CPNE4: variants seen among roughly 807,000 people sequenced by gnomAD.
CPNE4 encodes the protein copine 4.
CPNE4 carries 25 observed loss-of-function variants against 67.9 expected under a neutral mutation model. The observed-to-expected ratio is 0.37, with a 90% confidence interval of 0.27 to 0.51. The LOEUF is 0.51. Among genes scored for constraint, CPNE4 ranks in the 20% least tolerant of loss-of-function variants. CPNE4 has a pLI of 0.93. For missense variants in CPNE4, 464 were observed against 690.8 expected (o/e 0.67, Z 3.68); for synonymous variants, 242 against 244.9 (o/e 0.99, Z 0.11).
intron 1 of CPNE4, among the ~76,000 whole-genome samples, chr3:131,969,816 T>C (rs1157604100): frequency 1.3e-5 from 2 of 152,200 alleles, no homozygotes; most frequent in African/African-American, 4.8e-5. Context: ...AACAAAAGCA[T>C]GCACTTTGAA....
intron 7 of CPNE4, among the ~76,000 whole-genome samples, chr3:131,642,054 T>C (rs1426534801): frequency 6.6e-6 from 1 of 152,092 alleles, no homozygotes; most frequent in Non-Finnish European, 1.5e-5. Context: ...TTGGATACAG[T>C]GTATGCTGCT....
chr3:131,987,080 T>C (rs1408491586), intron 1 of CPNE4, among the ~76,000 whole-genome samples: 2 of 152,220 alleles, frequency 1.3e-5, no homozygotes, highest in African/African-American at 2.4e-5. Context: ...AAAACACTTC[T>C]CAAATTTGAA....
chr3:131,886,320 G>T (rs1301850975), intron 2 of CPNE4, among the ~76,000 whole-genome samples: 1 of 152,242 alleles, frequency 6.6e-6, no homozygotes, highest in African/African-American at 2.4e-5. Flanking sequence ...CAGGTACACA[G>T]AAGTCAAGAA....
chr3:131,975,505 G>T (rs962469484), intron 1 of CPNE4, among the ~76,000 whole-genome samples: 1 of 152,164 alleles, frequency 6.6e-6, no homozygotes, highest in South Asian at 2.1e-4. Context: ...ACTATGACAA[G>T]CCCTGAGTGC....
At chr3:131,668,700 C>T (rs923235854) in intron 7 of CPNE4, among the ~76,000 whole-genome samples, 11 of 152,062 alleles carry the variant, frequency 7.2e-5, no homozygotes, top group African/African-American at 1.9e-4. Context: ...GAATCACCTC[C>T]GGGCCATTGA....
At chr3:131,548,845 G>T (rs1296512974) in intron 14 of CPNE4, among the ~76,000 whole-genome samples, 1 of 152,166 alleles carries the variant, frequency 6.6e-6, no homozygotes, top group African/African-American at 2.4e-5. Context: ...AAGGAATGCT[G>T]CAATACTAAT....
At chr3:131,582,547 A>G (rs1319400705) in intron 8 of CPNE4, among the ~76,000 whole-genome samples, 3 of 152,214 alleles carry the variant, frequency 2.0e-5, no homozygotes, top group African/African-American at 7.2e-5. Context: ...GTGCAAATGG[A>G]TAGGCTGATA....
chr3:131,728,508 A>C (rs1199211746), intron 2 of CPNE4, among the ~76,000 whole-genome samples: 5 of 152,190 alleles, frequency 3.3e-5, no homozygotes, highest in Non-Finnish European at 7.3e-5. Context: ...AAAATGTGGA[A>C]CTGATAGGGA....
chr3:131,873,139 A>G (rs189137007), intron 2 of CPNE4, among the ~76,000 whole-genome samples: 6 of 152,298 alleles, frequency 3.9e-5, no homozygotes, highest in Admixed American at 3.3e-4. Flanking sequence ...ATTTACTTTA[A>G]CTATTGCAAG....
At chr3:131,921,407 C>T (rs16838093) in intron 1 of CPNE4, among the ~76,000 whole-genome samples, 18,605 of 152,144 alleles carry the variant, frequency 0.12, 1,301 homozygotes, top group African/African-American at 0.18. Context: ...GATTACCTAG[C>T]GCCTACCATA....
At chr3:131,549,863 T>C in intron 14 of CPNE4, 84 bp downstream of exon 14, 2 of 1,468,976 alleles carry the variant, frequency 1.4e-6, no homozygotes, top group Admixed American at 1.8e-5. Flanking sequence ...TGGAATTTAT[T>C]GTTAGAGTGA....
At chr3:131,710,119 T>C (rs2081522267) in intron 3 of CPNE4, among the ~76,000 whole-genome samples, 1 of 152,212 alleles carries the variant, frequency 6.6e-6, no homozygotes, top group African/African-American at 2.4e-5. Context: ...AAAGAATCCA[T>C]ATATATTTAT....
chr3:131,993,597 A>C lies in CPNE4; in HGVS notation c.-2+40970T>G, dbSNP rs772547659. Among the ~76,000 whole-genome samples, 29 of 135,066 alleles carry C rather than the reference A, an allele frequency of 2.1e-4. 6 individuals are homozygous for C. Among genetic ancestry groups the C allele is most frequent in the Non-Finnish European group, 4.0e-4 (24 of 59,608 alleles). 88.6% of individuals were successfully genotyped at this position (135,066 alleles called of 152,430 possible). A position where few individuals can be genotyped will look rare whatever the true frequency, so the allele number is the denominator to read the frequency against. ...CCTAAAGTGCAGCAGAAGCAGAATC[A>C]AAGCCCTTGGTAGAAGATGAGCTCT... On this transcript the variant is annotated intron_variant, in intron 1 of 15. Coordinates refer to ENST00000429747, the MANE Select transcript of CPNE4 (RefSeq NM_130808.3).
At chr3:131,717,853 G>GCTCCCTTTCTTTCCTCC (rs144753413) in intron 3 of CPNE4, among the ~76,000 whole-genome samples, 57,555 of 80,606 alleles carry the variant, frequency 0.71, 19,985 homozygotes, top group African/African-American at 0.8. Context: ...TTCCTTCCTC[G>GCTCCCTTTCTTTCCTCC]CTCCCTCCTT....
At chr3:131,948,970 T>A (rs2071640318) in intron 1 of CPNE4, among the ~76,000 whole-genome samples, 1 of 152,212 alleles carries the variant, frequency 6.6e-6, no homozygotes, top group Non-Finnish European at 1.5e-5. Flanking sequence ...TCAGATTAAC[T>A]GGGTTGGAAT....
At chr3:131,655,270 T>C (rs1404563722) in intron 7 of CPNE4, among the ~76,000 whole-genome samples, 1 of 152,152 alleles carries the variant, frequency 6.6e-6, no homozygotes, top group Admixed American at 6.5e-5. Context: ...GACTCTGGGG[T>C]TAGGACCCAA....
intron 2 of CPNE4, among the ~76,000 whole-genome samples, chr3:131,898,034 T>A (rs1015459564): frequency 6.6e-6 from 1 of 152,138 alleles, no homozygotes; most frequent in Non-Finnish European, 1.5e-5. Flanking sequence ...GTACTCTCAA[T>A]ATATTTAAGG....
intron 2 of CPNE4, among the ~76,000 whole-genome samples, chr3:131,891,554 C>A (rs981093767): frequency 6.6e-6 from 1 of 151,854 alleles, no homozygotes; most frequent in African/African-American, 2.4e-5. Context: ...AGTTATTTTT[C>A]CTTATCCTCT....
intron 2 of CPNE4, among the ~76,000 whole-genome samples, chr3:131,889,970 CT>C (rs1410707454): frequency 1.3e-5 from 2 of 151,896 alleles, no homozygotes; most frequent in Non-Finnish European, 2.9e-5. Flanking sequence ...AACATAAGAC[CT>C]GAAACTGAAA....
Sources: allele counts gnomAD v4.1 joint callset (sites outside exome capture counted in the v4.1 genomes callset), GRCh38; gene constraint gnomAD v4.1.1; transcripts MANE v1.5; gene names NCBI Gene and HGNC (gene_info 2026-07-23, HGNC 2026-07-21).